The following IRX1 variants were observed in gnomAD, a reference collection of about 807,000 sequenced individuals.
IRX1 encodes the protein iroquois-class homeodomain protein IRX-1.
Under a neutral mutation model 34.1 loss-of-function variants are expected in IRX1, and 22 were observed. The observed-to-expected ratio is 0.64, with a 90% CI of 0.46 to 0.92. The LOEUF (loss-of-function observed/expected upper bound fraction) is 0.92, where lower values mean the gene tolerates loss of function less well. Ranked by LOEUF, IRX1 falls within the 40% of genes least tolerant of loss-of-function variation. The pLI is 0.00. For synonymous variants in IRX1, 363 were observed against 319.0 expected, an observed-to-expected ratio of 1.14 and a Z score of -1.47; for missense variants, 758 against 680.0, an observed-to-expected ratio of 1.11 and a Z score of -1.28.
chr5:3,600,009 A>G lies in IRX1; in HGVS notation c.1061A>G (p.His354Arg). The part of the protein sequence containing the change: ...HGPSAGAPLQ[H>R]PAFLPSHGLY... Reference sequence around the variant, plus strand: ...CCCTCCGCCGGGGCGCCGCTGCAACACCCCGCCTTCCTGCCTAGCCACGGA... The same window carrying G: ...CCCTCCGCCGGGGCGCCGCTGCAACGCCCCGCCTTCCTGCCTAGCCACGGA... The change falls in exon 2 of 4, where the codon CAC (histidine) becomes CGC (arginine). Residue 354 changes from histidine (H) to arginine (R), a missense_variant. Physicochemically the swap from His to Arg is conservative, Grantham distance 29. Transcript: ENST00000302006. 1 of 1,537,104 alleles carries G rather than the reference A, an allele frequency of 6.5e-7. No individual in the cohort carries two copies. The highest frequency in any genetic ancestry group is 8.8e-7 in the Non-Finnish European group (1 of 1,137,742).
In IRX1 at chr5:3,600,088, C is replaced by G; in HGVS notation, c.1140C>G (p.Leu380=). The part of the protein sequence containing the change: ...KFSNWTNSAF[L]AQGSLLNMRS... ...CCAACTGGACCAACAGCGCATTCCTCGCACAGGGCTCCCTGCTCAACATGC... is the reference window on the plus strand; with the variant it reads ...CCAACTGGACCAACAGCGCATTCCTGGCACAGGGCTCCCTGCTCAACATGC... The change falls in exon 2 of 4, where the codon CTC becomes CTG. Residue 380 remains leucine, a synonymous_variant. Coordinates refer to ENST00000302006, the MANE Select transcript of IRX1 (RefSeq NM_024337.4). 1 of 1,613,000 alleles carries G rather than the reference C, an allele frequency of 6.2e-7. No individual in the cohort carries two copies. The highest frequency in any genetic ancestry group is 8.5e-7 in the Non-Finnish European group (1 of 1,179,724).
chr5:3,599,792 T>C lies in IRX1; in HGVS notation c.844T>C (p.Leu282=). 15 of 1,599,826 alleles carry C rather than the reference T, an allele frequency of 9.4e-6. No individual in the cohort carries two copies. Among genetic ancestry groups the C allele is most frequent in the Non-Finnish European group, 1.3e-5 (15 of 1,174,252 alleles). The change falls in exon 2 of 4, where the codon TTG becomes CTG. Residue 282 remains leucine, a synonymous_variant. Coordinates refer to ENST00000302006, the MANE Select transcript of IRX1 (RefSeq NM_024337.4). This position sits in a 1 kb window ranked among gnomAD's most constrained non-coding sequence, Gnocchi z 6.6. The stretch of plus-strand genomic sequence containing the variant: ...CGTTCTCAAGCCCCAGGACTCGCCC[T>C]TGGGCCTGGCAAAGGAGGCCCCAGA... ...ADVLKPQDSP[L]GLAKEAPEPG...
In IRX1 at chr5:3,596,163, T is replaced by A; in HGVS notation, c.58T>A (p.Tyr20Asn). Reference sequence around the variant, plus strand: ...CCTGAGCGCCGCGGGGCCGGGCGCCTACGGCGGCGAGCGCCCGGGGGTGCT... The same window carrying A: ...CCTGAGCGCCGCGGGGCCGGGCGCCAACGGCGGCGAGCGCCCGGGGGTGCT... ...QYLSAAGPGA[Y>N]GGERPGVLAA... The change falls in exon 1 of 4, where the codon TAC (tyrosine) becomes AAC (asparagine). Residue 20 changes from tyrosine to asparagine, a missense_variant. Transcript: ENST00000302006. 9.7e-7 allele frequency: 1 copy of A among 1,032,874 alleles called. No homozygotes were observed. The highest frequency in any genetic ancestry group is 1.2e-6 in the Non-Finnish European group (1 of 862,980). The allele number at this position is 1,032,874 out of a possible 1,614,324, so 64.0% of individuals were successfully genotyped here.
intron 3 of IRX1, 74 bp downstream of exon 3, chr5:3,600,755 G>A: frequency 6.9e-7 from 1 of 1,442,792 alleles, no homozygotes; most frequent in Non-Finnish European, 9.7e-7. Flanking sequence ...GACCCGGGCG[G>A]AGCTGGCTGG....
intron 1 of IRX1, 95 bp downstream of exon 1, chr5:3,596,476 C>T: frequency 8.1e-7 from 1 of 1,233,034 alleles, no homozygotes; most frequent in African/African-American, 1.6e-5. Flanking sequence ...ACGGGTGGAC[C>T]TGGTCCGGAA....
chr5:3,600,855 C>T (rs1027715162), intron 3 of IRX1, 128 bp from the exon 4 acceptor site: 6 of 1,214,498 alleles, frequency 4.9e-6, no homozygotes, highest in African/African-American at 3.0e-5. Context: ...GAGTTTCTCC[C>T]CAGCCGGGAG....
Position 3,600,174 on chromosome 5 carries a change from C to T in IRX1, c.1226C>T (p.Pro409Leu). Residue 409 changes from proline (P) to leucine (L), a missense_variant, in exon 2 of 4, where the codon CCT (proline) becomes CTT (leucine). Coordinates refer to ENST00000302006, the MANE Select transcript of IRX1 (RefSeq NM_024337.4). ...AAPHGPHLPA[P>L]PPPQPPVAIA... ...CCCCATGGCCCTCACCTTCCTGCACCTCCACCACCGCAGCCGCCGGTCGCT... is the reference window on the plus strand; with the variant it reads ...CCCCATGGCCCTCACCTTCCTGCACTTCCACCACCGCAGCCGCCGGTCGCT... The T allele has an allele frequency of 6.2e-7, 1 of 1,612,568 alleles. No homozygotes were observed. The highest frequency in any genetic ancestry group is 8.5e-7 in the Non-Finnish European group (1 of 1,179,806).
rs763998758 is a variant in IRX1, at chr5:3,601,030, C to T, written c.1433C>T (p.Pro478Leu). The stretch of plus-strand genomic sequence containing the variant: ...ACGCCGCGGATCCTAGCAGCCCTCC[C>T]GTCCGCCTGATTAAGGGTCTTCTTT... The part of the protein sequence containing the change: ...EGTPRILAAL[P>L]SA The change falls in exon 4 of 4, where the codon CCG (proline) becomes CTG (leucine). Residue 478 changes from proline to leucine, a missense_variant. By Grantham distance (98) the Pro-to-Leu change is moderately conservative. This residue lies in a region of IRX1 where 529 missense variants were observed against 418.8 expected (regional missense o/e 1.26). Transcript: ENST00000302006. The T allele has an allele frequency of 1.7e-5, 27 of 1,584,608 alleles. No individual in the cohort carries two copies. The highest frequency in any genetic ancestry group is 2.2e-5 in the Non-Finnish European group (26 of 1,164,280).
At chr5:3,600,286 G>A (rs753190192) in intron 2 of IRX1, 26 bp downstream of exon 2, 1 of 1,531,574 alleles carries the variant, frequency 6.5e-7, no homozygotes, top group Non-Finnish European at 8.8e-7. Context: ...GCGTCCACCT[G>A]TCCCCTAGCT....
At chr5:3,600,309 G>T (rs1580012796) in intron 2 of IRX1, 49 bp downstream of exon 2, 1 of 1,475,722 alleles carries the variant, frequency 6.8e-7, no homozygotes, top group South Asian at 1.3e-5. Flanking sequence ...GAATGCAGAG[G>T]CCTGGCTAGG....
rs1733889976 is a variant in IRX1, at chr5:3,599,413, C to T, written c.465C>T (p.Pro155=). 3.7e-6 allele frequency: 6 copies of T among 1,614,014 alleles called. No homozygotes were observed. Among genetic ancestry groups the T allele is most frequent in the Non-Finnish European group, 5.1e-6 (6 of 1,180,040 alleles). ...WLNEHRKNPY[P]TKGEKIMLAI... is the part of the protein sequence containing the mutation. Reference sequence around the variant, plus strand: ...ACGAGCACCGCAAGAATCCCTACCCCACCAAGGGCGAGAAGATCATGCTGG... The same window carrying T: ...ACGAGCACCGCAAGAATCCCTACCCTACCAAGGGCGAGAAGATCATGCTGG... The change falls in exon 2 of 4, where the codon CCC becomes CCT. Residue 155 remains proline, a synonymous_variant. Coordinates refer to ENST00000302006, the MANE Select transcript of IRX1 (RefSeq NM_024337.4). The surrounding 1 kb of genome is among the most constrained non-coding windows in gnomAD (Gnocchi z 6.6).
chr5:3,598,605 T>A (rs868814029), intron 1 of IRX1, among the ~76,000 whole-genome samples: 11 of 152,244 alleles, frequency 7.2e-5, no homozygotes, highest in Non-Finnish European at 1.0e-4. Context: ...GACCTTTTAA[T>A]GTGGGTAAAC....
At position 3,599,773 on chromosome 5, in the gene IRX1, C is replaced by G; in HGVS notation, c.825C>G (p.Leu275=). 3.1e-6 allele frequency: 5 copies of G among 1,608,158 alleles called. No individual in the cohort carries two copies. Among genetic ancestry groups the G allele is most frequent in the South Asian group, 1.1e-5 (1 of 90,506 alleles). ...QGSPLAAADV[L]KPQDSPLGLA... is the part of the protein sequence containing the mutation. ...CGCCGCTGGCAGCAGCCGACGTTCT[C>G]AAGCCCCAGGACTCGCCCTTGGGCC... Residue 275 remains leucine (L), a synonymous_variant, in exon 2 of 4, where the codon CTC becomes CTG. Transcript: ENST00000302006. This position sits in a 1 kb window ranked among gnomAD's most constrained non-coding sequence, Gnocchi z 6.6.
rs1423702599 is a variant in IRX1, at chr5:3,599,925, C to T, written c.977C>T (p.Pro326Leu). The change falls in exon 2 of 4, where the codon CCC (proline) becomes CTC (leucine). Residue 326 changes from proline to leucine, a missense_variant. Physicochemically the swap from Pro to Leu is moderately conservative, Grantham distance 98 (BLOSUM62 -3). Around this residue, in one of 3 missense-constraint regions of IRX1, gnomAD observed 529 missense variants for 418.8 expected, o/e 1.26. Transcript: ENST00000302006. This position sits in a 1 kb window ranked among gnomAD's most constrained non-coding sequence, Gnocchi z 6.6. ...IWSLAETATS[P>L]DGAPKASPPP... ...TCGCTGGCGGAGACAGCCACGAGCC[C>T]CGACGGTGCGCCCAAGGCTTCGCCA... is the stretch of plus-strand genomic sequence containing the variant. 2 of 1,487,216 alleles carry T rather than the reference C, an allele frequency of 1.3e-6. No homozygotes were observed. Among genetic ancestry groups the T allele is most frequent in the South Asian group, 1.3e-5 (1 of 74,942 alleles). 92.1% of individuals were successfully genotyped at this position (1,487,216 alleles called of 1,614,324 possible). A position where few individuals can be genotyped will look rare whatever the true frequency, so the allele number is the denominator to read the frequency against.
Position 3,596,079 on chromosome 5 carries a change from G to C in IRX1, c.-27G>C. 2 of 1,062,086 alleles carry C rather than the reference G, an allele frequency of 1.9e-6. No individual in the cohort carries two copies. The highest frequency in any genetic ancestry group is 2.3e-6 in the Non-Finnish European group (2 of 878,900). 65.8% of individuals were successfully genotyped at this position (1,062,086 alleles called of 1,614,324 possible). On this transcript the variant is annotated 5_prime_UTR_variant, in exon 1 of 4. Coordinates refer to ENST00000302006, the MANE Select transcript of IRX1 (RefSeq NM_024337.4). ...CTCCCCGCGCCTTTAATACTCGCCC[G>C]CTGCGGCGGTCGCCGAGTCCGCGGA...
Position 3,599,168 on chromosome 5 carries a change from C to G in IRX1, c.277-57C>G. On this transcript the variant is annotated intron_variant, in intron 1 of 3. Coordinates refer to ENST00000302006, the MANE Select transcript of IRX1 (RefSeq NM_024337.4). The surrounding 1 kb of genome is among the most constrained non-coding windows in gnomAD (Gnocchi z 6.6). ...GACTCATGTCTCTCTCTCTCTCTCC[C>G]TTTCTCTCTCCACTTCCCTCCTCTC... 6.6e-7 allele frequency: 1 copy of G among 1,526,028 alleles called. No homozygotes were observed. The highest frequency in any genetic ancestry group is 1.2e-5 in the South Asian group (1 of 81,908). The allele number at this position is 1,526,028 out of a possible 1,614,324, so 94.5% of individuals were successfully genotyped here.
chr5:3,598,658 C>G (rs1447381955), intron 1 of IRX1, among the ~76,000 whole-genome samples: 1 of 152,180 alleles, frequency 6.6e-6, no homozygotes, highest in Non-Finnish European at 1.5e-5. Context: ...ACTGTGCTTT[C>G]GTTTTAAATT....
At position 3,599,086 on chromosome 5, in the gene IRX1, C is replaced by A. The variant is rs1029367867; in HGVS notation, c.277-139C>A. 2.4e-6 allele frequency: 2 copies of A among 845,472 alleles called. No homozygotes were observed. Among genetic ancestry groups the A allele is most frequent in the Non-Finnish European group, 3.6e-6 (2 of 558,090 alleles). The allele number at this position is 845,472 out of a possible 1,614,324, so 52.4% of individuals were successfully genotyped here. ...CCCAGCACAGGAGAGCCCCGCAAAGCGCCTGGGAGGCCCTCGAGTCCATTG... is the reference window on the plus strand; with the variant it reads ...CCCAGCACAGGAGAGCCCCGCAAAGAGCCTGGGAGGCCCTCGAGTCCATTG... On this transcript the variant is annotated intron_variant, in intron 1 of 3. Transcript: ENST00000302006. This position sits in a 1 kb window ranked among gnomAD's most constrained non-coding sequence, Gnocchi z 6.6.
At position 3,599,926 on chromosome 5, in the gene IRX1, C is replaced by G. The variant is rs745818076; in HGVS notation, c.978C>G (p.Pro326=). Residue 326 remains proline, a synonymous_variant, in exon 2 of 4, where the codon CCC becomes CCG. Coordinates refer to ENST00000302006, the MANE Select transcript of IRX1 (RefSeq NM_024337.4). The surrounding 1 kb of genome is among the most constrained non-coding windows in gnomAD (Gnocchi z 6.6). ...CGCTGGCGGAGACAGCCACGAGCCC[C>G]GACGGTGCGCCCAAGGCTTCGCCAC... ...IWSLAETATS[P]DGAPKASPPP... is the part of the protein sequence containing the mutation. The G allele has an allele frequency of 8.7e-6, 13 of 1,487,090 alleles. No individual in the cohort carries two copies. The highest frequency in any genetic ancestry group is 1.2e-5 in the Non-Finnish European group (13 of 1,116,828). 92.1% of individuals were successfully genotyped at this position (1,487,090 alleles called of 1,614,324 possible). A position where few individuals can be genotyped will look rare whatever the true frequency, so the allele number is the denominator to read the frequency against.
Sources: allele counts gnomAD v4.1 joint callset (sites outside exome capture counted in the v4.1 genomes callset), GRCh38; gene constraint gnomAD v4.1.1; regional missense constraint gnomAD v4.1.1; non-coding constraint Gnocchi (gnomAD v3.1); transcripts MANE v1.5; gene names NCBI Gene and HGNC (gene_info 2026-07-23, HGNC 2026-07-21).